The following CDCA4 variants were observed in gnomAD, a reference collection of about 807,000 sequenced individuals.
CDCA4 encodes cell division cycle-associated protein 4.
For missense variants in CDCA4, 294 were observed against 322.1 expected, an observed-to-expected ratio of 0.91 and a Z score of 0.67; for synonymous variants, 130 against 137.0, an observed-to-expected ratio of 0.95 and a Z score of 0.36.
chr14:105,016,297 C>G (rs1900653664), intron 1 of CDCA4, among the ~76,000 whole-genome samples: 1 of 152,214 alleles, frequency 6.6e-6, no homozygotes, highest in Non-Finnish European at 1.5e-5. Context: ...TTTCTCCCAG[C>G]ACTTTCCTCT....
chr14:105,014,740 C>T (rs1433324398), intron 1 of CDCA4, among the ~76,000 whole-genome samples: 1 of 152,164 alleles, frequency 6.6e-6, no homozygotes, highest in Non-Finnish European at 1.5e-5. Flanking sequence ...ACAAAGGACA[C>T]CCTGCGTTGG....
In CDCA4 at chr14:105,011,364, T is replaced by C. The variant is rs1456019558; in HGVS notation, c.566A>G (p.Tyr189Cys). 3 of 1,614,080 alleles carry C rather than the reference T, an allele frequency of 1.9e-6. No homozygotes were observed. Among genetic ancestry groups the C allele is most frequent in the Admixed American group, 1.7e-5 (1 of 60,014 alleles). The change falls in exon 2 of 2, where the codon TAC (tyrosine) becomes TGC (cysteine). Residue 189 changes from tyrosine to cysteine, a missense_variant. Physicochemically the swap from Tyr to Cys is radical, Grantham distance 194. Transcript: ENST00000336219. The stretch of plus-strand genomic sequence containing the variant: ...GCCTGTCAGTACTGTGTCCAGGTCG[T>C]AGTAGGGGCTGTCCACGTCTGAGAA... ...ELFSDVDSPY[Y>C]DLDTVLTGMM...
At position 105,009,932 on chromosome 14, in the gene CDCA4, C is replaced by T. The variant is rs1041506149; in HGVS notation, c.*1272G>A. 1.3e-5 allele frequency: 2 copies of T among 152,232 alleles called. No homozygotes were observed. Among genetic ancestry groups the T allele is most frequent in the African/African-American group, 4.8e-5 (2 of 41,450 alleles). The allele number at this position is 152,232 out of a possible 1,614,324, so 9.4% of individuals were successfully genotyped here. ...CCGTGGTCGTAACTAACACCACATT[C>T]CCATTTTGTTTGCTGGATAATTTTT... On this transcript the variant is annotated 3_prime_UTR_variant, in exon 2 of 2. Coordinates refer to ENST00000336219, the MANE Select transcript of CDCA4 (RefSeq NM_017955.4).
chr14:105,011,140 C>T lies in CDCA4; in HGVS notation c.*64G>A. 1 of 1,521,438 alleles carries T rather than the reference C, an allele frequency of 6.6e-7. No homozygotes were observed. The highest frequency in any genetic ancestry group is 2.3e-5 in the East Asian group (1 of 43,312). 94.2% of individuals were successfully genotyped at this position (1,521,438 alleles called of 1,614,324 possible). ...GGGCCGCTGGCGGCAGGCGCACCCT[C>T]CGTGGGAGCCAGTGCTCACGTGTCA... is the stretch of plus-strand genomic sequence containing the variant. On this transcript the variant is annotated 3_prime_UTR_variant, in exon 2 of 2. Transcript: ENST00000336219.
intron 1 of CDCA4, 59 bp downstream of exon 1, chr14:105,020,940 C>T (rs1192199408): frequency 6.6e-6 from 1 of 152,190 alleles, no homozygotes; most frequent in East Asian, 1.9e-4. Context: ...CCTCCGCGCC[C>T]TGCAGCACAA....
chr14:105,017,340 A>T (rs1273474373), intron 1 of CDCA4, among the ~76,000 whole-genome samples: 2 of 151,880 alleles, frequency 1.3e-5, no homozygotes, highest in Non-Finnish European at 2.9e-5. Context: ...ATCTTCCCTC[A>T]ACTTCCCGAG....
intron 1 of CDCA4, among the ~76,000 whole-genome samples, chr14:105,017,806 G>C (rs1566939819): frequency 6.6e-6 from 1 of 151,310 alleles, no homozygotes; most frequent in Non-Finnish European, 1.5e-5. Context: ...ACTACAGCCT[G>C]AACAACAGAG....
chr14:105,017,641 C>A (rs1002512581), intron 1 of CDCA4, among the ~76,000 whole-genome samples: 1 of 151,868 alleles, frequency 6.6e-6, no homozygotes, highest in African/African-American at 2.4e-5. Context: ...ACCATCCTGG[C>A]CAACACGATG....
intron 1 of CDCA4, among the ~76,000 whole-genome samples, chr14:105,015,795 G>A (rs1393947143): frequency 6.6e-6 from 1 of 152,202 alleles, no homozygotes; most frequent in African/African-American, 2.4e-5. Context: ...CTCCCGAGTA[G>A]CTGGGATTAC....
In CDCA4 at chr14:105,011,060, C is replaced by T; in HGVS notation, c.*144G>A. On this transcript the variant is annotated 3_prime_UTR_variant, in exon 2 of 2. Transcript: ENST00000336219. ...GGACGGGCCTAGGGCTGCAGCCCCA[C>T]TGGTAATGGGCTGTTCTGGGATTTC... 3.9e-6 allele frequency: 4 copies of T among 1,014,052 alleles called. No individual in the cohort carries two copies. Among genetic ancestry groups the T allele is most frequent in the South Asian group, 1.7e-5 (1 of 58,796 alleles). 62.8% of individuals were successfully genotyped at this position (1,014,052 alleles called of 1,614,324 possible).
At chr14:105,016,491 T>C (rs1218874194) in intron 1 of CDCA4, among the ~76,000 whole-genome samples, 8 of 152,254 alleles carry the variant, frequency 5.3e-5, no homozygotes, top group African/African-American at 1.9e-4. Context: ...AACTGCATCC[T>C]AAGAAGGTGG....
intron 1 of CDCA4, among the ~76,000 whole-genome samples, chr14:105,013,124 A>T (rs1349124763): frequency 6.6e-6 from 1 of 152,166 alleles, no homozygotes; most frequent in Non-Finnish European, 1.5e-5. Context: ...GGCAGGTTCC[A>T]CTAAGACGCA....
Position 105,010,859 on chromosome 14 carries a change from A to G in CDCA4, c.*345T>C. 3 of 285,894 alleles carry G rather than the reference A, an allele frequency of 1.0e-5. 1 individual carries two copies. Among genetic ancestry groups the G allele is most frequent in the Middle Eastern group, 1.9e-3 (2 of 1,026 alleles). The allele number at this position is 285,894 out of a possible 1,614,324, so 17.7% of individuals were successfully genotyped here. On this transcript the variant is annotated 3_prime_UTR_variant, in exon 2 of 2. Coordinates refer to ENST00000336219, the MANE Select transcript of CDCA4 (RefSeq NM_017955.4). ...ATACTGCCCAAAACATGTAAAACTGAATTGTAAAAATTCACCTATCTAAAG... is the reference window on the plus strand; with the variant it reads ...ATACTGCCCAAAACATGTAAAACTGGATTGTAAAAATTCACCTATCTAAAG...
chr14:105,013,663 C>T (rs1292764652), intron 1 of CDCA4, among the ~76,000 whole-genome samples: 1 of 152,076 alleles, frequency 6.6e-6, no homozygotes, highest in African/African-American at 2.4e-5. Flanking sequence ...GCCAAACATA[C>T]CCCTTCCCAG....
At chr14:105,020,077 T>G (rs1886185792) in intron 1 of CDCA4, among the ~76,000 whole-genome samples, 1 of 152,342 alleles carries the variant, frequency 6.6e-6, no homozygotes, top group Non-Finnish European at 1.5e-5. Context: ...CATGTTCCAG[T>G]GGCAAGTTGA....
chr14:105,017,068 GATCT>G (rs1224936446), intron 1 of CDCA4, among the ~76,000 whole-genome samples: 1 of 152,174 alleles, frequency 6.6e-6, no homozygotes, highest in African/African-American at 2.4e-5. Context: ...CAGGCAATGA[GATCT>G]ATCACACCGA....
chr14:105,011,682 G>C lies in CDCA4; in HGVS notation c.248C>G (p.Ala83Gly). 6.2e-7 allele frequency: 1 copy of C among 1,613,650 alleles called. No homozygotes were observed. The highest frequency in any genetic ancestry group is 8.5e-7 in the Non-Finnish European group (1 of 1,179,978). Residue 83 changes from alanine to glycine, a missense_variant, in exon 2 of 2, where the codon GCA becomes GGA. Coordinates refer to ENST00000336219, the MANE Select transcript of CDCA4 (RefSeq NM_017955.4). Reference sequence around the variant, plus strand: ...CGGCGCCCGCTCTGCAGCCTGGGGTGCCACTGTGCGCCACGTCCCATCCTG... The same window carrying C: ...CGGCGCCCGCTCTGCAGCCTGGGGTCCCACTGTGCGCCACGTCCCATCCTG... ...MTQDGTWRTV[A>G]PQAAERAPLD...
chr14:105,013,004 T>C (rs1247276923), intron 1 of CDCA4, among the ~76,000 whole-genome samples: 1 of 152,218 alleles, frequency 6.6e-6, no homozygotes. Context: ...CAAGGCAGTG[T>C]TTCTCGGCGT....
chr14:105,015,432 C>T (rs547439201), intron 1 of CDCA4, among the ~76,000 whole-genome samples: 3 of 152,276 alleles, frequency 2.0e-5, no homozygotes, highest in Admixed American at 2.0e-4. Context: ...CGCCATCAGT[C>T]GGAAACCAGC....
Sources: allele counts gnomAD v4.1 joint callset (sites outside exome capture counted in the v4.1 genomes callset), GRCh38; gene constraint gnomAD v4.1.1; transcripts MANE v1.5; gene names NCBI Gene and HGNC (gene_info 2026-07-23, HGNC 2026-07-21).